RBFOX1: variants seen among roughly 807,000 people sequenced by gnomAD.
RBFOX1 encodes the protein RNA binding protein fox-1 homolog 1.
In RBFOX1, 8 loss-of-function variants were observed where a neutral mutation model predicts 57.7. The ratio of observed to expected loss-of-function variants is 0.14; its 90% CI spans 0.08 to 0.25. The LOEUF (loss-of-function observed/expected upper bound fraction) is 0.25. RBFOX1 is among the 10% of genes least tolerant of loss of function. The pLI is 1.00. For missense variants in RBFOX1, 611 were observed against 548.5 expected, an observed-to-expected ratio of 1.11 and a Z score of -1.14; for synonymous variants, 326 against 222.4, an observed-to-expected ratio of 1.47 and a Z score of -4.15.
At chr16:6,613,965 G>C (rs892350524) in intron 2 of RBFOX1, among the ~76,000 whole-genome samples, 1 of 152,058 alleles carries the variant, frequency 6.6e-6, no homozygotes, top group African/African-American at 2.4e-5. Context: ...AAAGAAGATA[G>C]ATTCAGATAC....
chr16:6,788,020 C>G (rs1033184691), intron 3 of RBFOX1, among the ~76,000 whole-genome samples: 1 of 151,964 alleles, frequency 6.6e-6, no homozygotes, highest in African/African-American at 2.4e-5. Context: ...GTCAGGAGTT[C>G]GAGACCAGCC....
intron 3 of RBFOX1, among the ~76,000 whole-genome samples, chr16:6,783,489 C>G (rs1388599943): frequency 6.7e-6 from 1 of 150,258 alleles, no homozygotes; most frequent in Non-Finnish European, 1.5e-5. Flanking sequence ...TTGATTAAAG[C>G]TTAACTCTGG....
At chr16:7,486,974 A>G (rs1259574577) in intron 4 of RBFOX1, among the ~76,000 whole-genome samples, 1 of 152,048 alleles carries the variant, frequency 6.6e-6, no homozygotes, top group Non-Finnish European at 1.5e-5. Context: ...ATCTCGGCTC[A>G]CTGCAACCTC....
intron 4 of RBFOX1, among the ~76,000 whole-genome samples, chr16:7,265,494 G>A (rs1357744091): frequency 2.0e-5 from 3 of 151,906 alleles, no homozygotes; most frequent in South Asian, 2.1e-4. Flanking sequence ...TGTCACCCAG[G>A]CTGGAGTGCA....
At chr16:6,061,804 G>C (rs942543691) in intron 1 of RBFOX1, among the ~76,000 whole-genome samples, 1 of 152,110 alleles carries the variant, frequency 6.6e-6, no homozygotes, top group African/African-American at 2.4e-5. Flanking sequence ...TCAACAACCA[G>C]TTCTCCAGCA....
At chr16:5,457,628 A>G (rs1041581358) in intron 1 of RBFOX1, among the ~76,000 whole-genome samples, 1 of 151,938 alleles carries the variant, frequency 6.6e-6, no homozygotes, top group Non-Finnish European at 1.5e-5. Flanking sequence ...TGCATGGAGC[A>G]CTCTTTCTCC....
intron 3 of RBFOX1, among the ~76,000 whole-genome samples, chr16:6,909,433 C>A (rs1019048642): frequency 6.6e-6 from 1 of 152,228 alleles, no homozygotes; most frequent in Non-Finnish European, 1.5e-5. Context: ...TTTTGCCAGG[C>A]AAGGTGACGT....
intron 1 of RBFOX1, among the ~76,000 whole-genome samples, chr16:6,266,650 G>A (rs1039127892): frequency 6.6e-6 from 1 of 151,806 alleles, no homozygotes; most frequent in Non-Finnish European, 1.5e-5. Flanking sequence ...GGAGGCGAAG[G>A]TTGCAGTGAG....
intron 1 of RBFOX1, among the ~76,000 whole-genome samples, chr16:6,312,657 CT>C (rs2080487040): frequency 1.2e-3 from 2 of 1,738 alleles, no homozygotes; most frequent in Non-Finnish European, 4.3e-3. Flanking sequence ...TCCTTCTTTC[CT>C]TCCTTCCTTC....
chr16:6,625,157 TAAAAAAAAAAAAA>T (rs34634402), intron 2 of RBFOX1, among the ~76,000 whole-genome samples: 3 of 56,326 alleles, frequency 5.3e-5, no homozygotes, highest in African/African-American at 7.6e-5. Context: ...CAACCCTATC[TAAAAAAAAAAAAA>T]AAAAAAAAAA....
intron 3 of RBFOX1, among the ~76,000 whole-genome samples, chr16:7,024,987 G>T (rs73538919): frequency 0.038 from 5,721 of 152,226 alleles, 376 homozygotes; most frequent in African/African-American, 0.13. Flanking sequence ...AAGCAGAGAT[G>T]AAACTGTTAC....
At chr16:6,851,402 G>T (rs1159289258) in intron 3 of RBFOX1, among the ~76,000 whole-genome samples, 1 of 152,116 alleles carries the variant, frequency 6.6e-6, no homozygotes, top group Non-Finnish European at 1.5e-5. Flanking sequence ...AAGAGTAGAG[G>T]TCATGGGCTC....
At chr16:7,476,883 T>C (rs1161016198) in intron 4 of RBFOX1, among the ~76,000 whole-genome samples, 3 of 152,114 alleles carry the variant, frequency 2.0e-5, no homozygotes, top group Non-Finnish European at 2.9e-5. Context: ...AAGTATGAAA[T>C]GGAGATTACA....
chr16:6,484,240 C>T lies in RBFOX1; in HGVS notation c.-64+167183C>T, dbSNP rs74005233. 7.0e-3 allele frequency among the ~76,000 whole-genome samples: 1,073 copies of T among 152,212 alleles called. 6 individuals carry two copies. Among genetic ancestry groups the T allele is most frequent in the Middle Eastern group, 0.024 (7 of 294 alleles). ...AATGAGAGGTTTATGAAATGAATGG[C>T]CAGATGGGTTGTGCATTTGCGAAGT... On this transcript the variant is annotated intron_variant, in intron 2 of 15. Transcript: ENST00000550418.
intron 3 of RBFOX1, among the ~76,000 whole-genome samples, chr16:7,033,586 A>T (rs1427094525): frequency 6.6e-6 from 1 of 152,184 alleles, no homozygotes; most frequent in Admixed American, 6.5e-5. Flanking sequence ...CATGGGTGAT[A>T]TGCTTAGGAT....
intron 4 of RBFOX1, among the ~76,000 whole-genome samples, chr16:7,160,392 C>T (rs8061968): frequency 0.65 from 98,199 of 151,986 alleles, 32,593 homozygotes; most frequent in African/African-American, 0.81. Context: ...CTCTTCTGTA[C>T]TTTTCATCTT....
intron 2 of RBFOX1, among the ~76,000 whole-genome samples, chr16:6,452,697 A>C (rs1013453581): frequency 6.6e-6 from 1 of 152,236 alleles, no homozygotes; most frequent in East Asian, 1.9e-4. Flanking sequence ...ATATTTGACT[A>C]TAGGTGGTTC....
intron 3 of RBFOX1, among the ~76,000 whole-genome samples, chr16:7,041,369 C>A (rs75361022): frequency 6.6e-6 from 1 of 151,964 alleles, no homozygotes; most frequent in Non-Finnish European, 1.5e-5. Flanking sequence ...AAGGGCAATG[C>A]ATTTCCTATT....
intron 4 of RBFOX1, among the ~76,000 whole-genome samples, chr16:5,893,365 G>A (rs1258791015): frequency 6.6e-6 from 1 of 152,186 alleles, no homozygotes; most frequent in Non-Finnish European, 1.5e-5. Context: ...ATAACAGGGA[G>A]ACTATAGTCA....
Sources: allele counts gnomAD v4.1 joint callset (sites outside exome capture counted in the v4.1 genomes callset), GRCh38; gene constraint gnomAD v4.1.1; transcripts MANE v1.5; gene names NCBI Gene and HGNC (gene_info 2026-07-23, HGNC 2026-07-21).